Variants in RASA2 observed in about 807,000 individuals in gnomAD.
RASA2 encodes ras GTPase-activating protein 2.
In RASA2, 155 loss-of-function variants were observed where a neutral mutation model predicts 118.2. That is an observed-to-expected ratio of 1.31 (90% CI 1.15 to 1.50). The LOEUF is 1.50. Among genes scored for constraint, RASA2 ranks in the 40% most tolerant of loss-of-function variants. The pLI is 0.00. For synonymous variants in RASA2, 353 were observed against 349.1 expected (o/e 1.01, Z -0.12); for missense variants, 1,016 against 1,009.6 (o/e 1.01, Z -0.09).
At chr3:141,607,572 C>T in intron 19 of RASA2, 106 bp from the exon 20 acceptor site, 2 of 1,169,634 alleles carry the variant, frequency 1.7e-6, no homozygotes, top group East Asian at 3.1e-5. Context: ...GTTATTTACA[C>T]TCCTACCATC....
At chr3:141,519,604 G>A (rs971729378) in intron 3 of RASA2, among the ~76,000 whole-genome samples, 12 of 151,878 alleles carry the variant, frequency 7.9e-5, no homozygotes, top group African/African-American at 2.9e-4. Flanking sequence ...TTGCTTATTC[G>A]GTTTGCTGAA....
At chr3:141,508,174 G>C (rs1006183522) in intron 1 of RASA2, among the ~76,000 whole-genome samples, 1 of 151,878 alleles carries the variant, frequency 6.6e-6, no homozygotes, top group Non-Finnish European at 1.5e-5. Flanking sequence ...GAATTAAGTG[G>C]TCTGTGGATA....
At chr3:141,489,511 C>A (rs2081615571) in intron 1 of RASA2, among the ~76,000 whole-genome samples, 1 of 152,146 alleles carries the variant, frequency 6.6e-6, no homozygotes, top group Non-Finnish European at 1.5e-5. Context: ...TTTCTCTTCA[C>A]CACAGTAGGA....
At chr3:141,600,357 G>T in intron 19 of RASA2, 1 of 514,448 alleles carries the variant, frequency 1.9e-6, no homozygotes, top group Non-Finnish European at 4.0e-6. Flanking sequence ...ATTGCATGAT[G>T]AGGGTTCTTG....
intron 9 of RASA2, among the ~76,000 whole-genome samples, chr3:141,561,382 A>G (rs1327007411): frequency 6.6e-6 from 1 of 152,232 alleles, no homozygotes; most frequent in Admixed American, 6.5e-5. Context: ...AACTTTGTGC[A>G]GCTTCCTTGG....
Position 141,580,463 on chromosome 3 carries a change from C to A in RASA2, c.1674+12C>A, listed in dbSNP as rs1199128921. 1.3e-6 allele frequency: 2 copies of A among 1,566,716 alleles called. No homozygotes were observed. The highest frequency in any genetic ancestry group is 1.7e-5 in the Admixed American group (1 of 57,708). On this transcript the variant is annotated intron_variant, in intron 16 of 23. Coordinates refer to ENST00000286364, the MANE Select transcript of RASA2 (RefSeq NM_006506.5). The stretch of plus-strand genomic sequence containing the variant: ...TGTCCAAAAGCAAGGTAAGTCCTTA[C>A]ATCTTTTATTTTGTTTTTACACTTC...
rs763413103 is a variant in RASA2 at position 141,586,682 on chromosome 3, T to C, written c.1863T>C (p.Ile621=). ...AAAGAGCTCAAGGAAGAACTCGGAT[T>C]GGAAAAAAGAATTTTAAGAAACGAT... is the stretch of plus-strand genomic sequence containing the variant. ...MYKRAQGRTR[I]GKKNFKKRWF... Residue 621 remains isoleucine, a synonymous_variant, in exon 19 of 24, where the codon ATT becomes ATC. Coordinates refer to ENST00000286364, the MANE Select transcript of RASA2 (RefSeq NM_006506.5). 1.1e-5 allele frequency: 17 copies of C among 1,613,572 alleles called. No individual in the cohort carries two copies. Among genetic ancestry groups the C allele is most frequent in the Non-Finnish European group, 1.4e-5 (17 of 1,179,628 alleles).
chr3:141,529,411 A>G (rs1482700175), intron 3 of RASA2, among the ~76,000 whole-genome samples: 1 of 152,090 alleles, frequency 6.6e-6, no homozygotes, highest in Middle Eastern at 3.2e-3. Context: ...CTCTGGGTAA[A>G]AACATGAATC....
Position 141,608,686 on chromosome 3 carries a change from G to A in RASA2, c.2214G>A (p.Lys738=). The change falls in exon 21 of 24, where the codon AAG becomes AAA. Residue 738 remains lysine, a synonymous_variant. Transcript: ENST00000286364. ...QETGENTLGC[K]PCTAGVPADI... ...CTGGTGAAAACACTCTCGGCTGCAA[G>A]CCATGTACTGCGTAAGTTTCTTTCT... 1.2e-6 allele frequency: 2 copies of A among 1,612,930 alleles called. No individual in the cohort carries two copies. Among genetic ancestry groups the A allele is most frequent in the East Asian group, 2.2e-5 (1 of 44,872 alleles).
intron 1 of RASA2, among the ~76,000 whole-genome samples, chr3:141,501,655 C>G (rs553032753): frequency 1.3e-5 from 2 of 152,242 alleles, no homozygotes; most frequent in Admixed American, 6.5e-5. Context: ...TATAATTATG[C>G]ATACCTTTTA....
intron 18 of RASA2, 82 bp downstream of exon 18, chr3:141,586,180 G>T: frequency 7.7e-7 from 1 of 1,303,824 alleles, no homozygotes; most frequent in Non-Finnish European, 1.1e-6. Context: ...CTAAGAGTGA[G>T]GAGATCTGGC....
chr3:141,548,633 G>T (rs943103670), intron 5 of RASA2, among the ~76,000 whole-genome samples: 1 of 152,018 alleles, frequency 6.6e-6, no homozygotes, highest in Non-Finnish European at 1.5e-5. Flanking sequence ...TTTCACATAT[G>T]GCTTTCTTTG....
intron 3 of RASA2, among the ~76,000 whole-genome samples, 178 bp from the exon 4 acceptor site, chr3:141,529,530 G>A (rs546114449): frequency 3.3e-5 from 5 of 152,254 alleles, no homozygotes; most frequent in African/African-American, 1.2e-4. Flanking sequence ...AAGGAGAAAT[G>A]AGACACTTTT....
chr3:141,573,491 G>A (rs765364984), intron 13 of RASA2, among the ~76,000 whole-genome samples: 22 of 152,112 alleles, frequency 1.4e-4, no homozygotes, highest in Non-Finnish European at 2.6e-4. Flanking sequence ...TGCAGCCCCC[G>A]TTCTAGCCAT....
chr3:141,518,617 A>G lies in RASA2; in HGVS notation c.355+2186A>G, dbSNP rs141480542. Among the ~76,000 whole-genome samples the G allele has an allele frequency of 4.5e-3, 667 of 148,360 alleles. 1 individual carries two copies. The highest frequency in any genetic ancestry group is 9.7e-3 in the South Asian group (46 of 4,754). ...GGTCTGTGTCAGTCCTCTGCTTGCT[A>G]CTTATTTCTTTTAAAATCTCTATAA... On this transcript the variant is annotated intron_variant, in intron 3 of 23. Transcript: ENST00000286364.
chr3:141,572,100 GTTTGTT>G (rs2082933924), intron 11 of RASA2, among the ~76,000 whole-genome samples: 1 of 143,050 alleles, frequency 7.0e-6, no homozygotes, highest in African/African-American at 2.6e-5. Flanking sequence ...TTTTTTGTTT[GTTTGTT>G]TTTAAGACAG....
At chr3:141,611,373 G>A (rs1478804582) in intron 23 of RASA2, among the ~76,000 whole-genome samples, 3 of 152,186 alleles carry the variant, frequency 2.0e-5, no homozygotes, top group African/African-American at 7.2e-5. Flanking sequence ...TAGGAGAAAG[G>A]AACCTTCTCT....
At chr3:141,490,103 C>T (rs949500732) in intron 1 of RASA2, among the ~76,000 whole-genome samples, 1 of 151,756 alleles carries the variant, frequency 6.6e-6, no homozygotes, top group African/African-American at 2.4e-5. Flanking sequence ...GTCAGCAACC[C>T]TGGATTTGCT....
intron 5 of RASA2, among the ~76,000 whole-genome samples, chr3:141,549,425 T>C (rs946141812): frequency 4.6e-5 from 7 of 151,986 alleles, no homozygotes; most frequent in African/African-American, 2.4e-5. Context: ...CTGCTCTCCT[T>C]TGAAGGCAGA....
Sources: allele counts gnomAD v4.1 joint callset (sites outside exome capture counted in the v4.1 genomes callset), GRCh38; gene constraint gnomAD v4.1.1; transcripts MANE v1.5; gene names NCBI Gene and HGNC (gene_info 2026-07-23, HGNC 2026-07-21).